The following AUTS2 variants were observed in gnomAD, a reference collection of about 807,000 sequenced individuals.
AUTS2 encodes the protein autism susceptibility gene 2 protein.
A neutral mutation model predicts 112.4 loss-of-function variants in AUTS2; 17 were observed. That is an observed-to-expected ratio of 0.15 (90% CI 0.10 to 0.23). The LOEUF (loss-of-function observed/expected upper bound fraction) is 0.23. Among genes scored for constraint, AUTS2 ranks in the 10% least tolerant of loss-of-function variants. AUTS2 has a pLI of 1.00. For synonymous variants in AUTS2, 751 were observed against 702.7 expected, an observed-to-expected ratio of 1.07 and a Z score of -1.09; for missense variants, 1,510 against 1,701.6, an observed-to-expected ratio of 0.89 and a Z score of 1.98.
At chr7:69,639,513 A>T (rs1232442416) in intron 1 of AUTS2, among the ~76,000 whole-genome samples, 1 of 152,204 alleles carries the variant, frequency 6.6e-6, no homozygotes, top group East Asian at 1.9e-4. Flanking sequence ...TTAAAGAAAG[A>T]CCTGTGGGCA....
intron 2 of AUTS2, among the ~76,000 whole-genome samples, chr7:70,044,902 G>A (rs930740108): frequency 6.6e-6 from 1 of 151,734 alleles, no homozygotes; most frequent in Non-Finnish European, 1.5e-5. Flanking sequence ...TGACTTAACC[G>A]GAGCATGTTT....
chr7:69,606,863 C>A (rs895522297), intron 1 of AUTS2, among the ~76,000 whole-genome samples: 1 of 152,124 alleles, frequency 6.6e-6, no homozygotes, highest in Admixed American at 6.6e-5. Context: ...CTTTTTTCCC[C>A]TCTGGGAGGT....
intron 4 of AUTS2, among the ~76,000 whole-genome samples, chr7:70,309,285 A>T (rs1430589778): frequency 6.6e-6 from 1 of 152,240 alleles, no homozygotes; most frequent in African/African-American, 2.4e-5. Context: ...GTCTAAATAC[A>T]TTTATGAAAC....
chr7:70,538,114 A>G (rs914208686), intron 5 of AUTS2, among the ~76,000 whole-genome samples: 6 of 152,258 alleles, frequency 3.9e-5, no homozygotes, highest in African/African-American at 7.2e-5. Flanking sequence ...GCGTGCACCT[A>G]TAGTCCCAGC....
At chr7:70,113,450 A>T (rs1477897146) in intron 2 of AUTS2, among the ~76,000 whole-genome samples, 5 of 152,212 alleles carry the variant, frequency 3.3e-5, no homozygotes, top group Non-Finnish European at 5.9e-5. Flanking sequence ...AAGATTAAAT[A>T]CTTGGCTGCT....
intron 2 of AUTS2, among the ~76,000 whole-genome samples, chr7:69,926,473 AT>A (rs1796017497): frequency 7.2e-6 from 1 of 138,908 alleles, no homozygotes; most frequent in Non-Finnish European, 1.6e-5. Context: ...CTATCTATCT[AT>A]CTATCTATCT....
intron 5 of AUTS2, among the ~76,000 whole-genome samples, chr7:70,498,440 G>A (rs1363140032): frequency 6.6e-6 from 1 of 152,142 alleles, no homozygotes; most frequent in Non-Finnish European, 1.5e-5. Context: ...CACTGATTGG[G>A]TCTTGGGGTG....
chr7:70,685,279 C>G (rs938653659), intron 5 of AUTS2, among the ~76,000 whole-genome samples: 3 of 151,954 alleles, frequency 2.0e-5, no homozygotes, highest in African/African-American at 7.2e-5. Context: ...TCGAGACCAG[C>G]CTGGCCAACA....
chr7:70,383,896 C>T (rs1206018887), intron 4 of AUTS2, among the ~76,000 whole-genome samples: 1 of 152,244 alleles, frequency 6.6e-6, no homozygotes, highest in Non-Finnish European at 1.5e-5. Flanking sequence ...ATGAGACAAG[C>T]CACTTCTGCA....
At chr7:69,881,710 C>T (rs1370245481) in intron 1 of AUTS2, among the ~76,000 whole-genome samples, 1 of 152,078 alleles carries the variant, frequency 6.6e-6, no homozygotes, top group African/African-American at 2.4e-5. Flanking sequence ...GGAAATGCCT[C>T]CCCCCACAGC....
At chr7:70,676,117 A>G (rs898497514) in intron 5 of AUTS2, among the ~76,000 whole-genome samples, 2 of 152,234 alleles carry the variant, frequency 1.3e-5, no homozygotes, top group African/African-American at 4.8e-5. Flanking sequence ...ATAAAAGGTT[A>G]TTCCTCTTCA....
intron 1 of AUTS2, among the ~76,000 whole-genome samples, chr7:69,883,399 A>C (rs1413257989): frequency 1.3e-5 from 2 of 152,034 alleles, no homozygotes; most frequent in African/African-American, 4.8e-5. Flanking sequence ...AACTGCTGAG[A>C]AGAAAACTGA....
intron 4 of AUTS2, among the ~76,000 whole-genome samples, chr7:70,366,520 G>C (rs1745737204): frequency 1.3e-5 from 2 of 152,142 alleles, no homozygotes. Context: ...GAAATAGTGA[G>C]AGATAAAACA....
chr7:70,416,393 G>T (rs2130574618), intron 4 of AUTS2, among the ~76,000 whole-genome samples: 1 of 152,250 alleles, frequency 6.6e-6, no homozygotes, highest in East Asian at 1.9e-4. Context: ...CCCCTAATGT[G>T]AATGACTGCA....
intron 4 of AUTS2, among the ~76,000 whole-genome samples, chr7:70,224,384 CAA>C (rs1562799771): frequency 7.5e-6 from 1 of 132,878 alleles, no homozygotes; most frequent in Non-Finnish European, 1.6e-5. Flanking sequence ...CAATACAATA[CAA>C]TACAATACAA....
At chr7:69,616,695 A>G (rs1372314078) in intron 1 of AUTS2, among the ~76,000 whole-genome samples, 1 of 152,210 alleles carries the variant, frequency 6.6e-6, no homozygotes, top group Non-Finnish European at 1.5e-5. Context: ...GGAGTTTAAC[A>G]GAAATAATGT....
rs185125873 is a variant in AUTS2 at position 69,858,059 on chromosome 7, T to C, written c.310-41227T>C. Among the ~76,000 whole-genome samples, 184 of 152,298 alleles carry C rather than the reference T, an allele frequency of 1.2e-3. 1 individual carries two copies. Among genetic ancestry groups the C allele is most frequent in the East Asian group, 0.012 (62 of 5,174 alleles). On this transcript the variant is annotated intron_variant, in intron 1 of 18. Transcript: ENST00000342771. ...TGGAGTCTGATGAGCCGTGCTCTGC[T>C]GTCTACCCCCAGTCTGTTCTCCAGA... is the stretch of plus-strand genomic sequence containing the variant.
chr7:70,513,743 C>T (rs1026469479), intron 5 of AUTS2, among the ~76,000 whole-genome samples: 1 of 151,808 alleles, frequency 6.6e-6, no homozygotes, highest in East Asian at 1.9e-4. Flanking sequence ...TCACTGCAAC[C>T]TCTGCTCCTG....
At chr7:70,179,027 T>C (rs1724643712) in intron 4 of AUTS2, among the ~76,000 whole-genome samples, 1 of 152,180 alleles carries the variant, frequency 6.6e-6, no homozygotes, top group Non-Finnish European at 1.5e-5. Context: ...CTGTTTACCC[T>C]GGCCCCACCT....
Sources: allele counts gnomAD v4.1 joint callset (sites outside exome capture counted in the v4.1 genomes callset), GRCh38; gene constraint gnomAD v4.1.1; transcripts MANE v1.5; gene names NCBI Gene and HGNC (gene_info 2026-07-23, HGNC 2026-07-21).